Variants in FSTL5 observed in about 807,000 individuals in gnomAD.
FSTL5 encodes follistatin-related protein 5.
FSTL5 carries 62 observed loss-of-function variants against 89.1 expected under a neutral mutation model. The observed-to-expected ratio is 0.70, with a 90% CI of 0.57 to 0.86. The LOEUF (loss-of-function observed/expected upper bound fraction) is 0.86, where lower values mean the gene tolerates loss of function less well. Among genes scored for constraint, FSTL5 ranks in the 40% least tolerant of loss-of-function variants. FSTL5 has a pLI of 0.00. For missense variants in FSTL5, 1,057 were observed against 1,001.6 expected, an observed-to-expected ratio of 1.06 and a Z score of -0.75; for synonymous variants, 383 against 346.2, an observed-to-expected ratio of 1.11 and a Z score of -1.18.
chr4:161,678,172 T>C (rs1737376524), intron 6 of FSTL5, among the ~76,000 whole-genome samples: 1 of 151,790 alleles, frequency 6.6e-6, no homozygotes, highest in South Asian at 2.1e-4. Context: ...TATATGATAC[T>C]TACTATATAA....
intron 4 of FSTL5, among the ~76,000 whole-genome samples, chr4:161,885,608 G>A (rs1158244740): frequency 6.6e-6 from 1 of 151,970 alleles, no homozygotes; most frequent in Non-Finnish European, 1.5e-5. Flanking sequence ...ACCATGCCCA[G>A]CTAATTTTTT....
At chr4:161,424,119 C>T (rs553345001) in intron 15 of FSTL5, among the ~76,000 whole-genome samples, 115 of 148,160 alleles carry the variant, frequency 7.8e-4, no homozygotes, top group Non-Finnish European at 1.6e-3. Context: ...CCTCATGATC[C>T]GCCCGCCTCG....
chr4:161,785,402 C>A (rs896596525), intron 4 of FSTL5, among the ~76,000 whole-genome samples: 1 of 152,030 alleles, frequency 6.6e-6, no homozygotes, highest in South Asian at 2.1e-4. Flanking sequence ...ACAGAAAGAA[C>A]CTTTGGTTGA....
intron 7 of FSTL5, among the ~76,000 whole-genome samples, chr4:161,643,125 G>A (rs1736023873): frequency 6.6e-6 from 1 of 152,086 alleles, no homozygotes; most frequent in Non-Finnish European, 1.5e-5. Context: ...TTCATTAAGT[G>A]CTATTATTGT....
At chr4:162,060,270 A>G (rs1184319529) in intron 2 of FSTL5, among the ~76,000 whole-genome samples, 4 of 152,122 alleles carry the variant, frequency 2.6e-5, no homozygotes, top group African/African-American at 9.6e-5. Context: ...AAATAATAGC[A>G]GTCTCCGGTT....
At chr4:161,845,844 G>C (rs549753319) in intron 4 of FSTL5, among the ~76,000 whole-genome samples, 54 of 152,118 alleles carry the variant, frequency 3.5e-4, no homozygotes, top group African/African-American at 1.3e-3. Context: ...TCAGGAGTTC[G>C]AGACCAGCCT....
intron 8 of FSTL5, among the ~76,000 whole-genome samples, chr4:161,577,354 C>CT (rs1578939809): frequency 6.7e-6 from 1 of 150,350 alleles, no homozygotes. Flanking sequence ...AAACTTGTAA[C>CT]TTAAAACTTG....
chr4:161,446,133 A>G (rs1364712972), intron 15 of FSTL5, among the ~76,000 whole-genome samples: 2 of 152,024 alleles, frequency 1.3e-5, no homozygotes, highest in East Asian at 1.9e-4. Context: ...TATTTTTTAC[A>G]GCCTCTGATC....
At chr4:162,032,928 A>C (rs781736371) in intron 3 of FSTL5, among the ~76,000 whole-genome samples, 1 of 152,274 alleles carries the variant, frequency 6.6e-6, no homozygotes, top group Non-Finnish European at 1.5e-5. Flanking sequence ...AAGGTGAGCA[A>C]GGAAGCCCAA....
chr4:161,512,120 A>G (rs936451520), intron 10 of FSTL5, among the ~76,000 whole-genome samples: 7 of 152,152 alleles, frequency 4.6e-5, no homozygotes, highest in African/African-American at 1.7e-4. Context: ...GTCTGCACAC[A>G]CAATGCAAAA....
chr4:161,627,192 C>G (rs1735342336), intron 7 of FSTL5, among the ~76,000 whole-genome samples: 1 of 152,118 alleles, frequency 6.6e-6, no homozygotes, highest in Admixed American at 6.6e-5. Context: ...ATGCAGCAAA[C>G]TTCACTGTTG....
intron 15 of FSTL5, among the ~76,000 whole-genome samples, chr4:161,395,508 A>G (rs944974001): frequency 6.6e-6 from 1 of 152,102 alleles, no homozygotes; most frequent in African/African-American, 2.4e-5. Context: ...CAATCTATAA[A>G]TTTAATATAC....
At chr4:161,785,125 T>G (rs1741850132) in intron 4 of FSTL5, among the ~76,000 whole-genome samples, 1 of 152,072 alleles carries the variant, frequency 6.6e-6, no homozygotes, top group Non-Finnish European at 1.5e-5. Context: ...GACTCAACAT[T>G]CGACTTTACG....
intron 1 of FSTL5, among the ~76,000 whole-genome samples, chr4:162,140,767 A>AGTTT: frequency 6.6e-6 from 1 of 152,178 alleles, no homozygotes; most frequent in Non-Finnish European, 1.5e-5. Context: ...GAGGTGATAA[A>AGTTT]ACAATATACA....
At chr4:162,161,382 T>G (rs1733689385) in intron 1 of FSTL5, among the ~76,000 whole-genome samples, 1 of 151,886 alleles carries the variant, frequency 6.6e-6, no homozygotes, top group Non-Finnish European at 1.5e-5. Context: ...ATATGCTAAA[T>G]TTGGGCTTAT....
intron 6 of FSTL5, among the ~76,000 whole-genome samples, chr4:161,694,458 T>A (rs893647981): frequency 1.5e-4 from 23 of 152,086 alleles, no homozygotes; most frequent in African/African-American, 4.8e-4. Flanking sequence ...CTGTTTTTTT[T>A]ATAATTTCTG....
At chr4:161,689,212 T>C (rs894143070) in intron 6 of FSTL5, among the ~76,000 whole-genome samples, 2 of 152,180 alleles carry the variant, frequency 1.3e-5, no homozygotes, top group African/African-American at 4.8e-5. Context: ...ATTATTCTTT[T>C]TCCATGTTTA....
At chr4:161,441,550 C>T (rs1381028468) in intron 15 of FSTL5, among the ~76,000 whole-genome samples, 3 of 151,988 alleles carry the variant, frequency 2.0e-5, no homozygotes, top group African/African-American at 7.2e-5. Flanking sequence ...ATATTTCCTT[C>T]AATATACATG....
intron 4 of FSTL5, among the ~76,000 whole-genome samples, chr4:161,779,795 A>ATATATATG (rs1560840932): frequency 5.3e-4 from 28 of 52,980 alleles, no homozygotes; most frequent in Non-Finnish European, 7.5e-4. Flanking sequence ...ATATATATAT[A>ATATATATG]TATATATATA....
Sources: allele counts gnomAD v4.1 joint callset (sites outside exome capture counted in the v4.1 genomes callset), GRCh38; gene constraint gnomAD v4.1.1; transcripts MANE v1.5; gene names NCBI Gene and HGNC (gene_info 2026-07-23, HGNC 2026-07-21).